Variants in GPHN observed in about 807,000 individuals in gnomAD.
GPHN encodes the protein gephyrin.
In GPHN, 17 loss-of-function variants were observed where a neutral mutation model predicts 95.5. The ratio of observed to expected loss-of-function variants is 0.18; its 90% CI spans 0.12 to 0.27. GPHN has a LOEUF of 0.27. GPHN is among the 10% of genes least tolerant of loss of function. The pLI is 1.00. For missense variants in GPHN, 660 were observed against 978.1 expected (o/e 0.67, Z 4.34); for synonymous variants, 320 against 322.5 (o/e 0.99, Z 0.08).
At chr14:66,711,014 T>A (rs1001699605) in intron 2 of GPHN, among the ~76,000 whole-genome samples, 1 of 152,186 alleles carries the variant, frequency 6.6e-6, no homozygotes, top group Admixed American at 6.6e-5. Flanking sequence ...ATGCAAATTT[T>A]ATTGTACAAA....
the GPHN span, among the ~76,000 whole-genome samples, chr14:67,662,188 A>AAC: frequency 6.6e-6 from 1 of 152,072 alleles, no homozygotes; most frequent in African/African-American, 2.4e-5. Context: ...ACAAAAAAAA[A>AAC]AACAACAGAT....
At chr14:67,114,572 C>A (rs2078563975) in intron 16 of GPHN, among the ~76,000 whole-genome samples, 1 of 152,116 alleles carries the variant, frequency 6.6e-6, no homozygotes, top group South Asian at 2.1e-4. Context: ...TGCCTATAGT[C>A]CTAGCTACTG....
chr14:67,177,201 T>C (rs185233489), intron 21 of GPHN, among the ~76,000 whole-genome samples: 1 of 152,354 alleles, frequency 6.6e-6, no homozygotes, highest in African/African-American at 2.4e-5. Context: ...TCCTGCTTTT[T>C]CTTGTGGGCA....
intron 1 of GPHN, among the ~76,000 whole-genome samples, chr14:66,567,116 A>G (rs1466146668): frequency 2.6e-5 from 4 of 152,258 alleles, no homozygotes; most frequent in East Asian, 1.9e-4. Flanking sequence ...TGGGGCATGG[A>G]TGGCATCCAG....
At chr14:67,666,138 G>T in the GPHN span, among the ~76,000 whole-genome samples, 1 of 152,230 alleles carries the variant, frequency 6.6e-6, no homozygotes, top group African/African-American at 2.4e-5. Flanking sequence ...AAGCCAGACA[G>T]TAAGAAGCAG....
At chr14:67,684,281 T>C in the GPHN span, among the ~76,000 whole-genome samples, 1 of 152,146 alleles carries the variant, frequency 6.6e-6, no homozygotes, top group African/African-American at 2.4e-5. Flanking sequence ...ATTTCAACAA[T>C]AACCTGAAGT....
chr14:67,332,993 T>A, the GPHN span: 118 of 1,568,898 alleles, frequency 7.5e-5, no homozygotes, highest in South Asian at 1.3e-3. Flanking sequence ...GGACTTGATC[T>A]GGCAAAAACT....
intron 2 of GPHN, among the ~76,000 whole-genome samples, chr14:66,692,424 T>G (rs2067842459): frequency 1.3e-5 from 2 of 152,292 alleles, no homozygotes; most frequent in Admixed American, 6.5e-5. Flanking sequence ...TTAGACATGC[T>G]GAGTAATTTG....
At chr14:67,152,737 C>T (rs1192294351) in intron 18 of GPHN, among the ~76,000 whole-genome samples, 7 of 152,224 alleles carry the variant, frequency 4.6e-5, no homozygotes, top group South Asian at 2.1e-4. Context: ...TAGGCCGAGG[C>T]GGGCAGATCA....
At chr14:67,018,779 A>G (rs554377600) in intron 9 of GPHN, among the ~76,000 whole-genome samples, 51 of 152,312 alleles carry the variant, frequency 3.3e-4, no homozygotes, top group Admixed American at 1.1e-3. Context: ...TTTCATTTTT[A>G]TAGCTTAAAA....
the GPHN span, among the ~76,000 whole-genome samples, chr14:67,597,773 G>GGAAAAT: frequency 6.6e-6 from 1 of 150,694 alleles, no homozygotes; most frequent in East Asian, 1.9e-4. Flanking sequence ...AAAAAAAAAA[G>GGAAAAT]ACATTAAAGC....
At chr14:66,673,431 C>T (rs1217855216) in intron 1 of GPHN, among the ~76,000 whole-genome samples, 1 of 152,160 alleles carries the variant, frequency 6.6e-6, no homozygotes. Context: ...GTTTTTAATA[C>T]ACGTTTCAAC....
At chr14:66,974,661 C>T (rs1269114085) in intron 9 of GPHN, among the ~76,000 whole-genome samples, 1 of 151,972 alleles carries the variant, frequency 6.6e-6, no homozygotes, top group Non-Finnish European at 1.5e-5. Context: ...TGTACTTACT[C>T]ATTTGGAAAA....
At chr14:66,828,815 A>G (rs1266966363) in intron 4 of GPHN, among the ~76,000 whole-genome samples, 1 of 152,042 alleles carries the variant, frequency 6.6e-6, no homozygotes, top group East Asian at 1.9e-4. Context: ...TATCAAGTAT[A>G]GTAAAGTTTA....
Position 66,837,337 on chromosome 14 carries a change from C to T in GPHN, c.294+12771C>T, listed in dbSNP as rs367898597. Among the ~76,000 whole-genome samples the T allele has an allele frequency of 5.7e-4, 85 of 150,140 alleles. 1 individual carries two copies. The highest frequency in any genetic ancestry group is 1.1e-3 in the Non-Finnish European group (73 of 67,704). On this transcript the variant is annotated intron_variant, in intron 4 of 22. Coordinates refer to ENST00000478722, the MANE Select transcript of GPHN (RefSeq NM_020806.5). ...GGAACCATCATTCTCAGTAAACTAT[C>T]GCAAGAACAAAAAACCAAACACCGC...
the GPHN span, among the ~76,000 whole-genome samples, chr14:67,424,640 C>A: frequency 2.6e-5 from 4 of 151,806 alleles, no homozygotes; most frequent in Non-Finnish European, 4.4e-5. Flanking sequence ...AAGCCCCTGC[C>A]CACCCCTAGT....
chr14:67,570,427 C>A, the GPHN span: 1 of 309,266 alleles, frequency 3.2e-6, no homozygotes, highest in Non-Finnish European at 4.8e-6. Flanking sequence ...ACATTTTTGT[C>A]TCTGTTACTG....
intron 1 of GPHN, among the ~76,000 whole-genome samples, chr14:66,671,962 GTTAT>G (rs2066326122): frequency 6.6e-6 from 1 of 151,880 alleles, no homozygotes; most frequent in African/African-American, 2.4e-5. Flanking sequence ...TCAAATTTTT[GTTAT>G]TTATTTGCTT....
At chr14:67,056,698 G>A (rs2075586456) in intron 10 of GPHN, among the ~76,000 whole-genome samples, 1 of 152,162 alleles carries the variant, frequency 6.6e-6, no homozygotes, top group Admixed American at 6.5e-5. Flanking sequence ...CGTGGGTGGA[G>A]CTGCCCACCA....
Sources: allele counts gnomAD v4.1 joint callset (sites outside exome capture counted in the v4.1 genomes callset), GRCh38; gene constraint gnomAD v4.1.1; transcripts MANE v1.5; gene names NCBI Gene and HGNC (gene_info 2026-07-23, HGNC 2026-07-21).